The following MAN2A1 variants were observed in gnomAD, a reference collection of about 807,000 sequenced individuals.
MAN2A1 encodes the protein mannosidase alpha class 2A member 1, also known as alpha-mannosidase 2.
MAN2A1 carries 76 observed loss-of-function variants against 142.6 expected under a neutral mutation model. The ratio of observed to expected loss-of-function variants is 0.53; its 90% CI spans 0.44 to 0.65. MAN2A1 has a LOEUF of 0.65. MAN2A1 is among the 30% of genes least tolerant of loss of function. MAN2A1 has a pLI of 0.00. For missense variants in MAN2A1, 1,311 were observed against 1,365.1 expected (o/e 0.96, Z 0.62); for synonymous variants, 559 against 473.2 (o/e 1.18, Z -2.35).
chr5:109,709,372 A>G (rs1300556205), intron 1 of MAN2A1, among the ~76,000 whole-genome samples: 1 of 152,204 alleles, frequency 6.6e-6, no homozygotes, highest in Non-Finnish European at 1.5e-5. Flanking sequence ...GGTTTAATCA[A>G]AAGGGCAAAG....
chr5:109,747,918 C>A (rs1398937143), intron 4 of MAN2A1, among the ~76,000 whole-genome samples: 1 of 152,158 alleles, frequency 6.6e-6, no homozygotes, highest in Non-Finnish European at 1.5e-5. Flanking sequence ...ACATCCTTAT[C>A]AACACTTATT....
chr5:109,731,423 C>A (rs1751906321), intron 4 of MAN2A1, among the ~76,000 whole-genome samples: 1 of 151,394 alleles, frequency 6.6e-6, no homozygotes, highest in Admixed American at 6.6e-5. Context: ...AGGTTAGTTA[C>A]ATATGTATAC....
In MAN2A1 at chr5:109,697,518, G is replaced by A. The variant is rs540002389; in HGVS notation, c.135+6966G>A. ...AGTCAGCTAACTATGAGTGAAATCTGTCTGCCACCTGTCTTTATAGGGCCA... is the reference window on the plus strand; with the variant it reads ...AGTCAGCTAACTATGAGTGAAATCTATCTGCCACCTGTCTTTATAGGGCCA... On this transcript the variant is annotated intron_variant, in intron 1 of 21. Transcript: ENST00000261483. Among the ~76,000 whole-genome samples the A allele has an allele frequency of 7.9e-5, 12 of 152,290 alleles. 1 individual carries two copies. The highest frequency in any genetic ancestry group is 3.4e-3 in the Middle Eastern group (1 of 294).
intron 16 of MAN2A1, among the ~76,000 whole-genome samples, chr5:109,828,179 A>G (rs757985442): frequency 1.3e-5 from 2 of 152,152 alleles, no homozygotes; most frequent in Non-Finnish European, 2.9e-5. Context: ...GGTTTAATAA[A>G]TCCATTTTAT....
intron 20 of MAN2A1, among the ~76,000 whole-genome samples, chr5:109,858,390 C>G (rs899108560): frequency 1.6e-4 from 25 of 152,078 alleles, no homozygotes; most frequent in Non-Finnish European, 1.5e-4. Context: ...GGTATTGATT[C>G]AAAGAAAGCT....
chr5:109,839,934 CTTT>C (rs766999792), intron 16 of MAN2A1, among the ~76,000 whole-genome samples: 1 of 140,182 alleles, frequency 7.1e-6, no homozygotes, highest in Non-Finnish European at 1.6e-5. Flanking sequence ...CATTTACATT[CTTT>C]TTTTTTTTTT....
intron 14 of MAN2A1, 137 bp downstream of exon 14, chr5:109,820,024 CT>C: frequency 1.3e-6 from 1 of 799,704 alleles, no homozygotes. Context: ...GAAGCATGAG[CT>C]TTTTGCACCT....
At chr5:109,724,009 G>A (rs967589830) in intron 3 of MAN2A1, among the ~76,000 whole-genome samples, 104 of 152,090 alleles carry the variant, frequency 6.8e-4, no homozygotes, top group African/African-American at 2.4e-3. Context: ...AAATCAGAAC[G>A]TTAATTAAAA....
chr5:109,695,887 TA>T (rs1394083376), intron 1 of MAN2A1, among the ~76,000 whole-genome samples: 2 of 152,196 alleles, frequency 1.3e-5, no homozygotes, highest in African/African-American at 4.8e-5. Flanking sequence ...AAACCATTTT[TA>T]AATTCAGACA....
chr5:109,815,195 C>T (rs983050151), intron 12 of MAN2A1, among the ~76,000 whole-genome samples: 4 of 152,062 alleles, frequency 2.6e-5, no homozygotes, highest in Admixed American at 1.3e-4. Flanking sequence ...TGCAGTTAGC[C>T]AGGTGTGTTT....
rs142556068 is a variant in MAN2A1 at position 109,752,386 on chromosome 5, C to T, written c.708-2943C>T. ...CTGATGGCCTTATTCATTAATTCCT[C>T]ATTTATGTAATAAATATTTGAATGA... On this transcript the variant is annotated intron_variant, in intron 4 of 21. Transcript: ENST00000261483. 1.3e-3 allele frequency among the ~76,000 whole-genome samples: 205 copies of T among 152,316 alleles called. 3 individuals carry two copies. Among genetic ancestry groups the T allele is most frequent in the African/African-American group, 4.7e-3 (194 of 41,564 alleles).
At chr5:109,730,333 A>G (rs1751868017) in intron 4 of MAN2A1, among the ~76,000 whole-genome samples, 1 of 152,066 alleles carries the variant, frequency 6.6e-6, no homozygotes, top group South Asian at 2.1e-4. Context: ...GTATTTATAC[A>G]TATACTCCTT....
Position 109,817,271 on chromosome 5 carries a change from A to C in MAN2A1, c.1944-2A>C, listed in dbSNP as rs1754488368. On this transcript the variant is annotated splice_acceptor_variant, in intron 12 of 21. Coordinates refer to ENST00000261483, the MANE Select transcript of MAN2A1 (RefSeq NM_002372.4). LOFTEE classifies it high-confidence loss of function. ...CCAATAATGAAGCAGCTGTTTTTGC[A>C]GGTACCTTGTGGTCTATAATCCTTT... 1 of 1,612,108 alleles carries C rather than the reference A, an allele frequency of 6.2e-7. No individual in the cohort carries two copies.
At chr5:109,742,714 G>A (rs1752302437) in intron 4 of MAN2A1, among the ~76,000 whole-genome samples, 1 of 152,194 alleles carries the variant, frequency 6.6e-6, no homozygotes, top group Admixed American at 6.6e-5. Context: ...AAGTTACAGT[G>A]TGTCTTGTGA....
intron 8 of MAN2A1, among the ~76,000 whole-genome samples, chr5:109,776,001 G>A (rs1753280910): frequency 1.3e-5 from 2 of 151,390 alleles, no homozygotes; most frequent in Admixed American, 1.3e-4. Context: ...TCAAATCAGG[G>A]TATTTAGGAT....
At chr5:109,720,542 A>C (rs1751572055) in intron 3 of MAN2A1, among the ~76,000 whole-genome samples, 1 of 152,242 alleles carries the variant, frequency 6.6e-6, no homozygotes. Flanking sequence ...TAGAATTTGA[A>C]AATAGTTCTG....
chr5:109,706,680 C>T (rs1751142744), intron 1 of MAN2A1, among the ~76,000 whole-genome samples: 1 of 151,656 alleles, frequency 6.6e-6, no homozygotes, highest in African/African-American at 2.4e-5. Context: ...CATTTGATGA[C>T]ATAATCAGAG....
chr5:109,734,824 G>A (rs868635793), intron 4 of MAN2A1, among the ~76,000 whole-genome samples: 5 of 152,126 alleles, frequency 3.3e-5, no homozygotes, highest in Admixed American at 6.5e-5. Flanking sequence ...GTGTGGTGCG[G>A]TGCTGAAAAA....
intron 19 of MAN2A1, among the ~76,000 whole-genome samples, chr5:109,851,742 T>A (rs1363523001): frequency 6.6e-6 from 1 of 152,194 alleles, no homozygotes; most frequent in Admixed American, 6.5e-5. Flanking sequence ...CTTACCCCTT[T>A]CCTGCTACTG....
Sources: gnomAD v4.1 joint callset for allele counts (sites outside exome capture counted in the v4.1 genomes callset) on GRCh38, gnomAD v4.1.1 for gene constraint, MANE v1.5 for transcripts, NCBI Gene and HGNC (gene_info 2026-07-23, HGNC 2026-07-21) for gene names.